Variants in DYM observed in about 807,000 individuals in gnomAD.
DYM encodes dyggve-Melchior-Clausen syndrome protein.
In DYM, 78 loss-of-function variants were observed where a neutral mutation model predicts 93.1. That is an observed-to-expected ratio of 0.84 (90% CI 0.70 to 1.01). DYM has a LOEUF of 1.01. DYM is among the 50% of genes least tolerant of loss of function. DYM has a pLI of 0.00. For synonymous variants in DYM, 321 were observed against 319.7 expected, an observed-to-expected ratio of 1.00 and a Z score of -0.04; for missense variants, 789 against 845.0, an observed-to-expected ratio of 0.93 and a Z score of 0.82.
intron 15 of DYM, among the ~76,000 whole-genome samples, chr18:49,149,851 C>T (rs555988322): frequency 4.1e-4 from 63 of 151,880 alleles, no homozygotes; most frequent in African/African-American, 1.4e-3. Context: ...GGACTACAGG[C>T]GCGCACCACC....
intron 2 of DYM, among the ~76,000 whole-genome samples, chr18:49,397,588 C>T (rs1165431527): frequency 1.3e-5 from 2 of 152,202 alleles, no homozygotes; most frequent in African/African-American, 2.4e-5. Context: ...ACCCATACCC[C>T]TCCAGGGTTC....
intron 1 of DYM, among the ~76,000 whole-genome samples, chr18:49,431,035 A>G (rs930117682): frequency 9.2e-5 from 14 of 152,208 alleles, no homozygotes; most frequent in African/African-American, 3.4e-4. Flanking sequence ...TAATAATGGT[A>G]ACTTATAATT....
chr18:49,251,058 T>C (rs752346810), intron 13 of DYM, among the ~76,000 whole-genome samples: 5 of 152,244 alleles, frequency 3.3e-5, no homozygotes, highest in Non-Finnish European at 5.9e-5. Flanking sequence ...TAGCAACCTC[T>C]TTCCCACTTC....
chr18:49,244,318 C>T (rs949147884), intron 13 of DYM, among the ~76,000 whole-genome samples: 10 of 152,184 alleles, frequency 6.6e-5, no homozygotes, highest in African/African-American at 2.2e-4. Flanking sequence ...GGGACCCCCA[C>T]TATTCACCCT....
intron 16 of DYM, among the ~76,000 whole-genome samples, chr18:49,110,873 G>T (rs1284541020): frequency 3.3e-5 from 5 of 152,110 alleles, no homozygotes; most frequent in Non-Finnish European, 5.9e-5. Context: ...GCTCTTGGAT[G>T]ATAGGTTCTC....
chr18:49,107,131 C>T (rs2080906574), intron 16 of DYM, among the ~76,000 whole-genome samples: 2 of 144,970 alleles, frequency 1.4e-5, no homozygotes, highest in South Asian at 4.2e-4. Context: ...CTCTAAACTT[C>T]TCTTCTCGCT....
At chr18:49,098,075 A>C (rs921556026) in intron 16 of DYM, among the ~76,000 whole-genome samples, 9 of 152,228 alleles carry the variant, frequency 5.9e-5, no homozygotes, top group African/African-American at 1.9e-4. Flanking sequence ...CAAAGTATGC[A>C]GCAAGATATT....
At chr18:49,084,136 GCAC>G (rs1456887605) in intron 17 of DYM, among the ~76,000 whole-genome samples, 2 of 152,152 alleles carry the variant, frequency 1.3e-5, no homozygotes, top group East Asian at 3.9e-4. Context: ...TTTCCTGTAA[GCAC>G]CACTTGAGCC....
intron 2 of DYM, among the ~76,000 whole-genome samples, chr18:49,399,671 C>T (rs780870726): frequency 3.3e-5 from 5 of 152,102 alleles, no homozygotes; most frequent in South Asian, 2.1e-4. Context: ...AAACTGAGCA[C>T]GCAGCAGTAA....
chr18:49,211,204 A>AT (rs1233249486), intron 13 of DYM, among the ~76,000 whole-genome samples: 2 of 152,176 alleles, frequency 1.3e-5, no homozygotes, highest in Non-Finnish European at 2.9e-5. Flanking sequence ...CCTCAAACCC[A>AT]TAAGCGAACA....
At chr18:49,407,908 C>T (rs1192236642) in intron 2 of DYM, among the ~76,000 whole-genome samples, 1 of 152,056 alleles carries the variant, frequency 6.6e-6, no homozygotes, top group African/African-American at 2.4e-5. Context: ...AACCTCTAAT[C>T]CATTTAAATT....
In DYM at chr18:49,113,412, C is replaced by T. The variant is rs568837805; in HGVS notation, c.1911+5332G>A. Among the ~76,000 whole-genome samples, 13 of 152,230 alleles carry T rather than the reference C, an allele frequency of 8.5e-5. No homozygotes were observed. The South Asian group carries it at 1.9e-3, about 22-fold the overall frequency. ...CATATCACCTTATGTTTTAGATGGG[C>T]GAGATAGGCACCAGTGTGTAATAAA... On this transcript the variant is annotated intron_variant, in intron 16 of 17. Coordinates refer to ENST00000675505, the MANE Select transcript of DYM (RefSeq NM_001353214.3).
chr18:49,268,047 C>A (rs1030303448), intron 11 of DYM, among the ~76,000 whole-genome samples: 1 of 152,002 alleles, frequency 6.6e-6, no homozygotes, highest in Non-Finnish European at 1.5e-5. Flanking sequence ...TGTGAATCTA[C>A]AATTATTTCA....
chr18:49,101,438 G>C (rs2080128015), intron 16 of DYM, among the ~76,000 whole-genome samples: 2 of 152,128 alleles, frequency 1.3e-5, no homozygotes, highest in African/African-American at 2.4e-5. Flanking sequence ...TTAATCAGTT[G>C]TTTACTTTGA....
At chr18:49,262,899 C>G (rs2094512211) in intron 11 of DYM, among the ~76,000 whole-genome samples, 1 of 152,070 alleles carries the variant, frequency 6.6e-6, no homozygotes, top group Non-Finnish European at 1.5e-5. Flanking sequence ...AGTTGTTTTC[C>G]TATTTAAAAC....
intron 13 of DYM, among the ~76,000 whole-genome samples, chr18:49,231,896 C>T (rs1313131468): frequency 1.3e-5 from 2 of 152,148 alleles, no homozygotes; most frequent in African/African-American, 2.4e-5. Flanking sequence ...AAAACTGCAA[C>T]GTCTGTATCT....
chr18:49,280,226 G>GT (rs1333071830), intron 10 of DYM, among the ~76,000 whole-genome samples: 4 of 152,188 alleles, frequency 2.6e-5, no homozygotes, highest in African/African-American at 9.6e-5. Context: ...GCTTACAGGA[G>GT]TTTTTGTCTA....
chr18:49,160,073 T>C (rs1179349617), intron 15 of DYM, among the ~76,000 whole-genome samples: 1 of 152,194 alleles, frequency 6.6e-6, no homozygotes, highest in Non-Finnish European at 1.5e-5. Context: ...CCTGTCCCTG[T>C]TAGTCACTGA....
chr18:49,427,751 T>A (rs553474645), intron 2 of DYM, among the ~76,000 whole-genome samples: 1 of 152,284 alleles, frequency 6.6e-6, no homozygotes, highest in African/African-American at 2.4e-5. Flanking sequence ...ACAAACAAAA[T>A]GCAGTATATC....
Sources: gnomAD v4.1 joint callset for allele counts (sites outside exome capture counted in the v4.1 genomes callset) on GRCh38, gnomAD v4.1.1 for gene constraint, MANE v1.5 for transcripts, NCBI Gene and HGNC (gene_info 2026-07-23, HGNC 2026-07-21) for gene names.